Variants in PIGU observed in about 807,000 individuals in gnomAD.
PIGU encodes the protein phosphatidylinositol glycan anchor biosynthesis class U.
PIGU carries 24 observed loss-of-function variants against 49.9 expected under a neutral mutation model. The observed-to-expected ratio is 0.48, with a 90% CI of 0.35 to 0.68. The LOEUF is 0.68. PIGU is among the 30% of genes least tolerant of loss of function. PIGU has a pLI of 0.01. For missense variants in PIGU, 490 were observed against 532.6 expected, an observed-to-expected ratio of 0.92 and a Z score of 0.79; for synonymous variants, 220 against 205.7, an observed-to-expected ratio of 1.07 and a Z score of -0.59.
intron 5 of PIGU, among the ~76,000 whole-genome samples, 186 bp from the exon 6 acceptor site, chr20:34,634,901 A>G (rs920447348): frequency 6.6e-5 from 10 of 152,210 alleles, no homozygotes; most frequent in Admixed American, 2.0e-4. Flanking sequence ...GGTACTGAAC[A>G]TGGACTGCCT....
At chr20:34,566,069 G>A (rs1056531099) in intron 11 of PIGU, among the ~76,000 whole-genome samples, 10 of 151,502 alleles carry the variant, frequency 6.6e-5, no homozygotes, top group African/African-American at 2.2e-4. Flanking sequence ...TCACATGCTC[G>A]CACTGCACTC....
chr20:34,635,254 C>A (rs1985922270), intron 5 of PIGU, among the ~76,000 whole-genome samples: 1 of 152,216 alleles, frequency 6.6e-6, no homozygotes, highest in Non-Finnish European at 1.5e-5. Flanking sequence ...GGCTCCTAAG[C>A]CCTGACACAG....
intron 3 of PIGU, 86 bp downstream of exon 3, chr20:34,645,187 CAA>C (rs1163864427): frequency 0.031 from 30,081 of 983,610 alleles, 19 homozygotes; most frequent in African/African-American, 0.059. Context: ...GACCCCATCT[CAA>C]AAAAAAAAAA....
At chr20:34,627,780 A>G (rs1330981913) in intron 6 of PIGU, among the ~76,000 whole-genome samples, 1 of 152,194 alleles carries the variant, frequency 6.6e-6, no homozygotes. Context: ...TTGATAAATG[A>G]CAACCTATCT....
At chr20:34,618,502 C>T (rs189851202) in intron 6 of PIGU, among the ~76,000 whole-genome samples, 194 of 152,220 alleles carry the variant, frequency 1.3e-3, no homozygotes, top group African/African-American at 4.4e-3. Context: ...AAATAACAGG[C>T]GGGGCATGGT....
At chr20:34,658,228 C>T (rs1178086585) in intron 1 of PIGU, among the ~76,000 whole-genome samples, 7 of 152,244 alleles carry the variant, frequency 4.6e-5, no homozygotes, top group Non-Finnish European at 7.3e-5. Flanking sequence ...CTCCTAACCG[C>T]GAGTGATCCG....
chr20:34,601,832 T>G (rs1247149411), intron 7 of PIGU, among the ~76,000 whole-genome samples: 1 of 152,248 alleles, frequency 6.6e-6, no homozygotes, highest in Non-Finnish European at 1.5e-5. Flanking sequence ...TAACTCAAAT[T>G]GCAATTCTTG....
intron 4 of PIGU, among the ~76,000 whole-genome samples, chr20:34,639,920 A>G (rs1986095593): frequency 6.6e-6 from 1 of 152,242 alleles, no homozygotes; most frequent in Non-Finnish European, 1.5e-5. Context: ...CTCAGCAATC[A>G]AGTGCTTAGT....
chr20:34,596,508 G>C lies in PIGU; in HGVS notation c.628-7901C>G, dbSNP rs200330151. Among the ~76,000 whole-genome samples the C allele has an allele frequency of 2.0e-4, 31 of 152,298 alleles. No homozygotes were observed. In the East Asian group the frequency reaches 5.6e-3, roughly 27 times the overall value. ...AAATGTTAACATTAGCGGAAGTGGA[G>C]TGAGGGATACAAGAAACTCTGTACT... is the stretch of plus-strand genomic sequence containing the variant. On this transcript the variant is annotated intron_variant, in intron 7 of 11. Transcript: ENST00000217446.
chr20:34,625,379 A>AC (rs1666358742), intron 6 of PIGU, among the ~76,000 whole-genome samples: 1 of 151,720 alleles, frequency 6.6e-6, no homozygotes, highest in Non-Finnish European at 1.5e-5. Context: ...AAAAAAAAAA[A>AC]AAACAAAAAA....
At chr20:34,575,338 G>A (rs1983182420) in intron 10 of PIGU, 92 bp from the exon 11 acceptor site, 1 of 1,463,584 alleles carries the variant, frequency 6.8e-7, no homozygotes, top group Non-Finnish European at 9.3e-7. Context: ...GAGGCCCAAG[G>A]TGAGCATCAT....
At chr20:34,610,269 CTGTT>C (rs1984765105) in intron 7 of PIGU, among the ~76,000 whole-genome samples, 2 of 152,162 alleles carry the variant, frequency 1.3e-5, no homozygotes, top group African/African-American at 4.8e-5. Context: ...CAAATTGTCT[CTGTT>C]TGCAGATGAC....
chr20:34,582,786 TC>T (rs1983537165), intron 9 of PIGU, among the ~76,000 whole-genome samples: 1 of 152,050 alleles, frequency 6.6e-6, no homozygotes, highest in African/African-American at 2.4e-5. Flanking sequence ...GATGGAGTTG[TC>T]TCCAGAGCTC....
At chr20:34,565,860 G>A (rs1305138275) in intron 11 of PIGU, among the ~76,000 whole-genome samples, 1 of 144,468 alleles carries the variant, frequency 6.9e-6, no homozygotes, top group Admixed American at 6.9e-5. Context: ...ACACACAGGT[G>A]CACACATACA....
intron 1 of PIGU, among the ~76,000 whole-genome samples, chr20:34,663,722 G>A (rs987042352): frequency 3.3e-5 from 5 of 152,108 alleles, no homozygotes; most frequent in East Asian, 3.9e-4. Context: ...AGGTTGCTGC[G>A]TAATAGCTAT....
intron 11 of PIGU, among the ~76,000 whole-genome samples, chr20:34,570,200 TA>T (rs1982945837): frequency 6.6e-6 from 1 of 152,196 alleles, no homozygotes; most frequent in Non-Finnish European, 1.5e-5. Context: ...CCAGACATTT[TA>T]CTAAAAGGGA....
chr20:34,575,053 C>A, intron 11 of PIGU, 51 bp downstream of exon 11: 1 of 1,601,772 alleles, frequency 6.2e-7, no homozygotes, highest in Non-Finnish European at 8.5e-7. Flanking sequence ...ATGCTTGAGG[C>A]TGCAAAATGA....
chr20:34,605,113 G>T (rs1266868661), intron 7 of PIGU, among the ~76,000 whole-genome samples: 1 of 152,108 alleles, frequency 6.6e-6, no homozygotes, highest in Non-Finnish European at 1.5e-5. Flanking sequence ...GCATGTTAGG[G>T]CTATTTTTTT....
chr20:34,646,910 C>CA (rs1295555399), intron 2 of PIGU, among the ~76,000 whole-genome samples: 2 of 151,714 alleles, frequency 1.3e-5, no homozygotes, highest in Non-Finnish European at 2.9e-5. Flanking sequence ...CAAGATCCTC[C>CA]ACCTCCAGGG....
Sources: gnomAD v4.1 joint callset for allele counts (sites outside exome capture counted in the v4.1 genomes callset) on GRCh38, gnomAD v4.1.1 for gene constraint, MANE v1.5 for transcripts, NCBI Gene and HGNC (gene_info 2026-07-23, HGNC 2026-07-21) for gene names.